DIPK2A: variants seen among roughly 807,000 people sequenced by gnomAD.
DIPK2A encodes divergent protein kinase domain 2A, also known as Golgi Protein of 49 kDa.
DIPK2A carries 27 observed loss-of-function variants against 39.0 expected under a neutral mutation model. The observed-to-expected ratio is 0.69, with a 90% CI of 0.51 to 0.96. The LOEUF is 0.96. Ranked by LOEUF, DIPK2A falls within the 40% of genes least tolerant of loss-of-function variation. The pLI, the probability that DIPK2A is intolerant of heterozygous loss-of-function variation, is 0.00. For synonymous variants in DIPK2A, 298 were observed against 240.8 expected, an observed-to-expected ratio of 1.24 and a Z score of -2.20; for missense variants, 528 against 571.3, an observed-to-expected ratio of 0.92 and a Z score of 0.77.
Position 143,972,074 on chromosome 3 carries a change from G to A in DIPK2A, c.-259G>A. 2 of 380,218 alleles carry A rather than the reference G, an allele frequency of 5.3e-6. No individual in the cohort carries two copies. Among genetic ancestry groups the A allele is most frequent in the Non-Finnish European group, 4.7e-6 (1 of 214,948 alleles). The allele number at this position is 380,218 out of a possible 1,614,324, so 23.6% of individuals were successfully genotyped here. A position where few individuals can be genotyped will look rare whatever the true frequency, so the allele number is the denominator to read the frequency against. On this transcript the variant is annotated 5_prime_UTR_variant, in exon 1 of 3. Transcript: ENST00000315691. ...TGGCTGGCGTGGAGGAGGCGCCGCC[G>A]GAGTCGGAGGGCGGGGAGCTAGGAG...
At chr3:143,988,543 C>T (rs1040325871) in intron 2 of DIPK2A, among the ~76,000 whole-genome samples, 1 of 151,528 alleles carries the variant, frequency 6.6e-6, no homozygotes, top group African/African-American at 2.4e-5. Context: ...CCAAAAATGT[C>T]TCTTCCTTCT....
chr3:143,989,896 A>G lies in DIPK2A; in HGVS notation c.*55A>G, dbSNP rs938535854. 1 of 1,378,366 alleles carries G rather than the reference A, an allele frequency of 7.3e-7. No homozygotes were observed. The highest frequency in any genetic ancestry group is 1.0e-6 in the Non-Finnish European group (1 of 999,960). The allele number at this position is 1,378,366 out of a possible 1,614,324, so 85.4% of individuals were successfully genotyped here. A position where few individuals can be genotyped will look rare whatever the true frequency, so the allele number is the denominator to read the frequency against. The stretch of plus-strand genomic sequence containing the variant: ...TTTAAACAGCACTGGCTAAAACTAA[A>G]CCACCAAAAAACGATCTGAAAAAAT... On this transcript the variant is annotated 3_prime_UTR_variant, in exon 3 of 3. Transcript: ENST00000315691.
chr3:143,978,470 A>G (rs1437952819), intron 1 of DIPK2A: 3 of 152,276 alleles, frequency 2.0e-5, no homozygotes, highest in Admixed American at 6.6e-5. Context: ...AGGCATTTGG[A>G]TTGAAAGGAT....
At chr3:143,983,670 A>C (rs922161460) in intron 1 of DIPK2A, among the ~76,000 whole-genome samples, 1 of 152,214 alleles carries the variant, frequency 6.6e-6, no homozygotes, top group Non-Finnish European at 1.5e-5. Flanking sequence ...CAACAAACAA[A>C]TTCTAAAGCT....
chr3:143,982,487 T>C (rs1308358979), intron 1 of DIPK2A, among the ~76,000 whole-genome samples: 7 of 152,172 alleles, frequency 4.6e-5, no homozygotes, highest in Admixed American at 4.6e-4. Context: ...GAATTTCATA[T>C]CCAGCCAAAT....
At chr3:143,986,463 G>A (rs372410617) in intron 2 of DIPK2A, among the ~76,000 whole-genome samples, 2 of 152,256 alleles carry the variant, frequency 1.3e-5, no homozygotes, top group East Asian at 1.9e-4. Context: ...GGTGGCTTAC[G>A]CCTGTAATCC....
At position 143,972,950 on chromosome 3, in the gene DIPK2A, G is replaced by A. The variant is rs761249967; in HGVS notation, c.618G>A (p.Leu206=). 1.9e-6 allele frequency: 3 copies of A among 1,587,978 alleles called. No individual in the cohort carries two copies. The African/African-American group carries it at 4.0e-5, about 21-fold the overall frequency. ...AGGACTCGGAGCGCATGCAGCTGCT[G>A]CTGACCCTGGCCTTCAACCCCGAGC... ...NLKDSERMQL[L]LTLAFNPEPL... The change falls in exon 1 of 3, where the codon CTG becomes CTA. Residue 206 remains leucine (L), a synonymous_variant. Coordinates refer to ENST00000315691, the MANE Select transcript of DIPK2A (RefSeq NM_173552.5).
Position 143,972,983 on chromosome 3 carries a change from G to A in DIPK2A, c.651G>A (p.Val217=). Residue 217 remains valine, a synonymous_variant, in exon 1 of 3, where the codon GTG becomes GTA. Transcript: ENST00000315691. The part of the protein sequence containing the change: ...LTLAFNPEPL[V]LQSFPSDEGW... ...TGGCCTTCAACCCCGAGCCGCTGGT[G>A]CTACAGGTAGGCGCGGAGCCAGGGC... The A allele has an allele frequency of 6.3e-7, 1 of 1,583,048 alleles. No individual in the cohort carries two copies. Among genetic ancestry groups the A allele is most frequent in the South Asian group, 1.1e-5 (1 of 87,752 alleles).
chr3:143,973,746 A>T, intron 1 of DIPK2A: 1 of 606,240 alleles, frequency 1.6e-6, no homozygotes, highest in South Asian at 2.0e-5. Flanking sequence ...GGCCAGGGCG[A>T]GTATCAGGGA....
chr3:143,972,345 G>C lies in DIPK2A; in HGVS notation c.13G>C (p.Val5Leu). 3 of 1,356,168 alleles carry C rather than the reference G, an allele frequency of 2.2e-6. No homozygotes were observed. The highest frequency in any genetic ancestry group is 1.8e-5 in the South Asian group (1 of 54,216). 84.0% of individuals were successfully genotyped at this position (1,356,168 alleles called of 1,614,324 possible). A position where few individuals can be genotyped will look rare whatever the true frequency, so the allele number is the denominator to read the frequency against. Residue 5 changes from valine to leucine, a missense_variant, in exon 1 of 3, where the codon GTG becomes CTG. Transcript: ENST00000315691. The stretch of plus-strand genomic sequence containing the variant: ...GCGGGCGGGCGGTATGTGGCGCCTG[G>C]TGCCCCCGAAGCTGGGCCGCCTGTC... MWRL[V>L]PPKLGRLSRS... is the part of the protein sequence containing the mutation.
At position 143,971,952 on chromosome 3, in the gene DIPK2A, C is replaced by T. The variant is rs1214255957; in HGVS notation, c.-381C>T. On this transcript the variant is annotated 5_prime_UTR_variant, in exon 1 of 3. Transcript: ENST00000315691. ...CACTTGTCGTGGCTGGCTGCCGCCG[C>T]AGCTCTTGTGCGAAGCCAGCAGTGC... The T allele has an allele frequency of 4.6e-6, 1 of 217,170 alleles. No homozygotes were observed. Among genetic ancestry groups the T allele is most frequent in the Non-Finnish European group, 9.0e-6 (1 of 110,940 alleles). 13.5% of individuals were successfully genotyped at this position (217,170 alleles called of 1,614,324 possible).
rs1158747024 is a variant in DIPK2A, at chr3:143,990,958, A to C, written c.*1117A>C. The stretch of plus-strand genomic sequence containing the variant: ...GTTTTGCAAAATTAACATGGTAGCC[A>C]TTGTTTGAATTTAATCGGGCATCAT... On this transcript the variant is annotated 3_prime_UTR_variant, in exon 3 of 3. Coordinates refer to ENST00000315691, the MANE Select transcript of DIPK2A (RefSeq NM_173552.5). 1 of 152,316 alleles carries C rather than the reference A, an allele frequency of 6.6e-6. No homozygotes were observed. The highest frequency in any genetic ancestry group is 2.1e-4 in the South Asian group (1 of 4,830). The allele number at this position is 152,316 out of a possible 1,614,324, so 9.4% of individuals were successfully genotyped here. A position where few individuals can be genotyped will look rare whatever the true frequency, so the allele number is the denominator to read the frequency against.
intron 1 of DIPK2A, among the ~76,000 whole-genome samples, chr3:143,985,240 T>C (rs982926107): frequency 1.3e-5 from 2 of 152,224 alleles, no homozygotes; most frequent in African/African-American, 4.8e-5. Flanking sequence ...ATAAATACTT[T>C]TAGATTTGGT....
chr3:143,978,669 G>GATATATATATATCTATATATAT (rs1444750150), intron 1 of DIPK2A: 3 of 32,826 alleles, frequency 9.1e-5, no homozygotes, highest in Non-Finnish European at 1.2e-4. Flanking sequence ...TCTATATATA[G>GATATATATATATCTATATATAT]ATATATATAT....
chr3:143,977,199 T>C lies in DIPK2A; in HGVS notation c.657+4210T>C, dbSNP rs139648862. On this transcript the variant is annotated intron_variant, in intron 1 of 2. Coordinates refer to ENST00000315691, the MANE Select transcript of DIPK2A (RefSeq NM_173552.5). The stretch of plus-strand genomic sequence containing the variant: ...CAAAAGATTATTTAGCTAACGGTAC[T>C]TTAGAAAAGTTGATAGATTTTTACT... 3.2e-3 allele frequency among the ~76,000 whole-genome samples: 492 copies of C among 152,216 alleles called. 4 individuals carry two copies. The highest frequency in any genetic ancestry group is 0.011 in the African/African-American group (473 of 41,574).
chr3:143,972,342 C>T lies in DIPK2A; in HGVS notation c.10C>T (p.Leu4=). Residue 4 remains leucine (L), a synonymous_variant, in exon 1 of 3, where the codon CTG becomes TTG. Transcript: ENST00000315691. ...CGGGCGGGCGGGCGGTATGTGGCGC[C>T]TGGTGCCCCCGAAGCTGGGCCGCCT... MWR[L]VPPKLGRLSR... is the part of the protein sequence containing the mutation. The T allele has an allele frequency of 7.4e-7, 1 of 1,357,594 alleles. No individual in the cohort carries two copies. Among genetic ancestry groups the T allele is most frequent in the Non-Finnish European group, 9.4e-7 (1 of 1,059,070 alleles). The allele number at this position is 1,357,594 out of a possible 1,614,324, so 84.1% of individuals were successfully genotyped here.
rs761120757 is a variant in DIPK2A at position 143,985,999 on chromosome 3, C to G, written c.961+153C>G. The G allele has an allele frequency of 3.7e-4, 226 of 617,150 alleles. 3 individuals are homozygous for G. The South Asian group carries it at 4.6e-3, about 13-fold the overall frequency. The allele number at this position is 617,150 out of a possible 1,614,324, so 38.2% of individuals were successfully genotyped here. ...TATGACCACTGTCAATAAACAAATA[C>G]AGATACTCTTTGACTTACTGGGGGT... On this transcript the variant is annotated intron_variant, in intron 2 of 2. Transcript: ENST00000315691.
Position 143,990,065 on chromosome 3 carries a change from C to A in DIPK2A, c.*224C>A, listed in dbSNP as rs2087959372. ...TGTTCTTATACTTTGGAGGCTTGAG[C>A]TGTCATCAGCTGCTCCCCACTACCC... On this transcript the variant is annotated 3_prime_UTR_variant, in exon 3 of 3. Transcript: ENST00000315691. The A allele has an allele frequency of 2.0e-6, 1 of 507,424 alleles. No individual in the cohort carries two copies. Among genetic ancestry groups the A allele is most frequent in the Non-Finnish European group, 3.5e-6 (1 of 285,360 alleles). 31.4% of individuals were successfully genotyped at this position (507,424 alleles called of 1,614,324 possible). A position where few individuals can be genotyped will look rare whatever the true frequency, so the allele number is the denominator to read the frequency against.
intron 1 of DIPK2A, chr3:143,978,379 T>C (rs554863755): frequency 2.0e-5 from 3 of 152,400 alleles, no homozygotes; most frequent in African/African-American, 7.2e-5. Context: ...TGATAGGAAG[T>C]TGTCTGTGAA....
Sources: allele counts gnomAD v4.1 joint callset (sites outside exome capture counted in the v4.1 genomes callset), GRCh38; gene constraint gnomAD v4.1.1; transcripts MANE v1.5; gene names NCBI Gene and HGNC (gene_info 2026-07-23, HGNC 2026-07-21).